BSN: variants seen among roughly 807,000 people sequenced by gnomAD.
BSN encodes the protein bassoon presynaptic cytomatrix protein.
BSN carries 57 observed loss-of-function variants against 264.8 expected under a neutral mutation model. The ratio of observed to expected loss-of-function variants is 0.22; its 90% CI spans 0.17 to 0.27. The LOEUF is 0.27. BSN is among the 10% of genes least tolerant of loss of function. BSN has a pLI of 1.00. For missense variants in BSN, 4,615 were observed against 5,232.5 expected, an observed-to-expected ratio of 0.88 and a Z score of 3.64; for synonymous variants, 2,059 against 2,137.3, an observed-to-expected ratio of 0.96 and a Z score of 1.01.
intron 1 of BSN, among the ~76,000 whole-genome samples, chr3:49,577,444 G>A (rs1035915300): frequency 6.6e-6 from 1 of 152,314 alleles, no homozygotes; most frequent in South Asian, 2.1e-4. Context: ...TGAGAGCAGG[G>A]CTTGGAGGCC....
rs2052599255 is a variant in BSN, at chr3:49,656,324, A to G, written c.6768A>G (p.Thr2256=). 2 of 1,612,790 alleles carry G rather than the reference A, an allele frequency of 1.2e-6. No homozygotes were observed. The highest frequency in any genetic ancestry group is 1.7e-6 in the Non-Finnish European group (2 of 1,179,722). The change falls in exon 5 of 12, where the codon ACA becomes ACG. Residue 2256 remains threonine (T), a synonymous_variant. Transcript: ENST00000296452. ...CCCCCCGGGTACCTCTTGGACCCACAGGGCTGTACCGCTATCCTGCACCAA... is the reference window on the plus strand; with the variant it reads ...CCCCCCGGGTACCTCTTGGACCCACGGGGCTGTACCGCTATCCTGCACCAA... The part of the protein sequence containing the change: ...MIAPRVPLGP[T]GLYRYPAPSR...
intron 1 of BSN, among the ~76,000 whole-genome samples, chr3:49,591,640 C>T (rs1414420312): frequency 6.6e-6 from 1 of 152,014 alleles, no homozygotes; most frequent in Non-Finnish European, 1.5e-5. Context: ...CTCTGTCACC[C>T]AGGCTGTAGT....
At chr3:49,598,751 A>G (rs1051229073) in intron 1 of BSN, among the ~76,000 whole-genome samples, 7 of 152,188 alleles carry the variant, frequency 4.6e-5, no homozygotes, top group Admixed American at 4.6e-4. Flanking sequence ...CTTTCCCCAT[A>G]AAACTGTGTA....
Position 49,653,899 on chromosome 3 carries a change from C to T in BSN, c.4343C>T (p.Ala1448Val). The T allele has an allele frequency of 6.2e-7, 1 of 1,614,146 alleles. No homozygotes were observed. The change falls in exon 5 of 12, where the codon GCT becomes GTT. Residue 1448 changes from alanine to valine, a missense_variant. Physicochemically the swap from Ala to Val is moderately conservative, Grantham distance 64 (BLOSUM62 0). Transcript: ENST00000296452. The surrounding 1 kb of genome is among the most constrained non-coding windows in gnomAD (Gnocchi z 6.3). ...AGTGGCCTTGCTGCAGCTGGACGAG[C>T]TGCTAGAGAGAAGCCCTTGAGTGCG... ...APSGLAAAGRAAREKPLSASD... is the reference protein window; with the variant it reads ...APSGLAAAGRVAREKPLSASD...
intron 1 of BSN, among the ~76,000 whole-genome samples, chr3:49,584,254 CT>C (rs1391934423): frequency 1.4e-5 from 2 of 144,082 alleles, no homozygotes; most frequent in Admixed American, 1.5e-4. Context: ...TCATTTGAAT[CT>C]TTTTTTCTTT....
Position 49,652,441 on chromosome 3 carries a change from T to A in BSN, c.2885T>A (p.Leu962Gln), listed in dbSNP as rs754514266. The A allele has an allele frequency of 6.2e-7, 1 of 1,613,166 alleles. No individual in the cohort carries two copies. Among genetic ancestry groups the A allele is most frequent in the Non-Finnish European group, 8.5e-7 (1 of 1,179,624 alleles). The change falls in exon 5 of 12, where the codon CTG (leucine) becomes CAG (glutamine). Residue 962 changes from leucine (L) to glutamine (Q), a missense_variant. By Grantham distance (113) the Leu-to-Gln change is moderately radical. Around this residue, in one of 3 missense-constraint regions of BSN, gnomAD observed 1,197 missense variants for 1,348.0 expected, o/e 0.89. Transcript: ENST00000296452. ...PDPSLDREPE[L>Q]EMESLTGSPE... ...CCCAGTCTGGACCGGGAGCCTGAGC[T>A]GGAGATGGAGAGCCTAACGGGCTCC...
At chr3:49,666,342 C>G (rs981922667) in intron 11 of BSN, among the ~76,000 whole-genome samples, 1 of 152,158 alleles carries the variant, frequency 6.6e-6, no homozygotes, top group Non-Finnish European at 1.5e-5. Context: ...CTGGAAAGGC[C>G]CAGGCTTCCG....
chr3:49,651,992 C>G lies in BSN; in HGVS notation c.2436C>G (p.His812Gln). 1 of 1,613,510 alleles carries G rather than the reference C, an allele frequency of 6.2e-7. No homozygotes were observed. The highest frequency in any genetic ancestry group is 8.5e-7 in the Non-Finnish European group (1 of 1,179,714). The change falls in exon 5 of 12, where the codon CAC becomes CAG. Residue 812 changes from histidine to glutamine, a missense_variant. His to Gln is a conservative substitution (Grantham distance 24). Transcript: ENST00000296452. This position sits in a 1 kb window ranked among gnomAD's most constrained non-coding sequence, Gnocchi z 5.4. ...ACGACTTTGGCAGCCAATTGAGGCA[C>G]GACTATGTGGAGGACAGCAGTGAGG... ...SSDDFGSQLR[H>Q]DYVEDSSEGG...
chr3:49,606,856 C>A (rs1299446004), intron 1 of BSN, among the ~76,000 whole-genome samples: 2 of 152,176 alleles, frequency 1.3e-5, no homozygotes, highest in Non-Finnish European at 2.9e-5. Context: ...TGGCTCACAC[C>A]TGTAATCCCA....
rs937514391 is a variant in BSN, at chr3:49,554,919, G to A, written c.224+93G>A. 7 of 766,422 alleles carry A rather than the reference G, an allele frequency of 9.1e-6. No individual in the cohort carries two copies. The African/African-American group carries it at 1.3e-4, about 14-fold the overall frequency. 47.5% of individuals were successfully genotyped at this position (766,422 alleles called of 1,614,324 possible). ...TCCCGCGATCTAGTGTGGACAGCGA[G>A]GTTCGACGTCCGGCCGCACTCTGAA... On this transcript the variant is annotated intron_variant, in intron 1 of 11. Transcript: ENST00000296452.
chr3:49,614,613 G>A (rs2052244681), intron 1 of BSN, among the ~76,000 whole-genome samples: 1 of 152,206 alleles, frequency 6.6e-6, no homozygotes, highest in Non-Finnish European at 1.5e-5. Flanking sequence ...CTTGAGGCAG[G>A]TCTAAGGGTT....
intron 1 of BSN, among the ~76,000 whole-genome samples, chr3:49,565,571 C>G (rs886503208): frequency 1.3e-5 from 2 of 152,108 alleles, no homozygotes; most frequent in Non-Finnish European, 2.9e-5. Context: ...CCACCCGCCT[C>G]GGCCTCCCAA....
downstream of BSN, among the ~76,000 whole-genome samples, chr3:49,673,087 C>CTTTTTTTTCTT (rs2052848088): frequency 9.3e-5 from 4 of 43,198 alleles, 1 homozygote. Flanking sequence ...CCGGCCGGGA[C>CTTTTTTTTCTT]TTTTTTTTTT....
chr3:49,644,148 T>C (rs1361610272), intron 3 of BSN, among the ~76,000 whole-genome samples: 2 of 152,272 alleles, frequency 1.3e-5, no homozygotes, highest in South Asian at 2.1e-4. Context: ...TCTTGATAGA[T>C]GAATGTGTTT....
At chr3:49,577,128 G>A (rs1464217776) in intron 1 of BSN, among the ~76,000 whole-genome samples, 1 of 152,154 alleles carries the variant, frequency 6.6e-6, no homozygotes, top group African/African-American at 2.4e-5. Context: ...GCCAAACACT[G>A]TTCTAGGCAG....
At chr3:49,622,037 G>A (rs2052310977) in intron 1 of BSN, among the ~76,000 whole-genome samples, 1 of 152,160 alleles carries the variant, frequency 6.6e-6, no homozygotes, top group Non-Finnish European at 1.5e-5. Flanking sequence ...TAATTGAAAT[G>A]ATCCAATAGA....
At chr3:49,606,142 TA>T (rs1159424436) in intron 1 of BSN, among the ~76,000 whole-genome samples, 1 of 48,012 alleles carries the variant, frequency 2.1e-5, no homozygotes, top group Non-Finnish European at 3.4e-5. Context: ...ATACATATAT[TA>T]TATATGTATA....
Position 49,657,623 on chromosome 3 carries a change from C to T in BSN, c.8067C>T (p.His2689=). ...DQLPRVSPAI[H]ITAATDPKVE... ...TGCCCAGGGTCTCTCCAGCCATCCA[C>T]ATCACAGCTGCCACCGATCCCAAGG... The change falls in exon 5 of 12, where the codon CAC becomes CAT. Residue 2689 remains histidine (H), a synonymous_variant. Transcript: ENST00000296452. 1 of 1,603,052 alleles carries T rather than the reference C, an allele frequency of 6.2e-7. No homozygotes were observed. The highest frequency in any genetic ancestry group is 8.5e-7 in the Non-Finnish European group (1 of 1,172,622).
chr3:49,557,702 C>T (rs1189586165), intron 1 of BSN, among the ~76,000 whole-genome samples: 15 of 152,096 alleles, frequency 9.9e-5, no homozygotes, highest in East Asian at 3.9e-4. Flanking sequence ...CTCAGCCTCC[C>T]GAGTAGCTGG....
Sources: allele counts gnomAD v4.1 joint callset (sites outside exome capture counted in the v4.1 genomes callset), GRCh38; gene constraint gnomAD v4.1.1; regional missense constraint gnomAD v4.1.1; non-coding constraint Gnocchi (gnomAD v3.1); transcripts MANE v1.5; gene names NCBI Gene and HGNC (gene_info 2026-07-23, HGNC 2026-07-21).